FOXN3: variants seen among roughly 807,000 people sequenced by gnomAD.
FOXN3 encodes forkhead box N3.
In FOXN3, 7 loss-of-function variants were observed where a neutral mutation model predicts 38.4. The observed-to-expected ratio is 0.18, with a 90% CI of 0.10 to 0.34. The LOEUF (loss-of-function observed/expected upper bound fraction) is 0.34, where lower values mean the gene tolerates loss of function less well. Ranked by LOEUF, FOXN3 falls within the 10% of genes least tolerant of loss-of-function variation. FOXN3 has a pLI of 1.00. For synonymous variants in FOXN3, 230 were observed against 242.2 expected, an observed-to-expected ratio of 0.95 and a Z score of 0.47; for missense variants, 456 against 613.4, an observed-to-expected ratio of 0.74 and a Z score of 2.71.
intron 3 of FOXN3, chr14:89,291,240 C>A (rs946051752): frequency 1.4e-5 from 6 of 430,376 alleles, no homozygotes; most frequent in Non-Finnish European, 2.7e-5. Context: ...GTTACTCCCT[C>A]GGTTTCTCTC....
intron 1 of FOXN3, among the ~76,000 whole-genome samples, chr14:89,596,805 T>A (rs555152508): frequency 6.6e-6 from 1 of 152,198 alleles, no homozygotes; most frequent in African/African-American, 2.4e-5. Context: ...TATATTGCCA[T>A]AAAGTTTTTC....
intron 1 of FOXN3, among the ~76,000 whole-genome samples, chr14:89,595,249 C>T (rs1208260576): frequency 7.2e-5 from 11 of 151,782 alleles, no homozygotes; most frequent in Non-Finnish European, 1.6e-4. Flanking sequence ...GGTGTGAACC[C>T]GGGAGGCGGA....
At chr14:89,545,646 A>C (rs1040938111) in intron 1 of FOXN3, among the ~76,000 whole-genome samples, 5 of 152,220 alleles carry the variant, frequency 3.3e-5, no homozygotes, top group African/African-American at 1.2e-4. Context: ...AACTTGATGG[A>C]AACTGATAAA....
At chr14:89,305,870 A>G (rs1320157253) in intron 3 of FOXN3, among the ~76,000 whole-genome samples, 1 of 152,222 alleles carries the variant, frequency 6.6e-6, no homozygotes, top group Non-Finnish European at 1.5e-5. Flanking sequence ...CAACTTTCCT[A>G]ATTTCCCTCA....
chr14:89,376,958 T>C (rs539685768), intron 2 of FOXN3, among the ~76,000 whole-genome samples: 8 of 132,992 alleles, frequency 6.0e-5, no homozygotes, highest in East Asian at 4.4e-4. Context: ...GAGGCAGAGA[T>C]TGCAGTGAGC....
chr14:89,305,187 T>G (rs932284845), intron 3 of FOXN3, among the ~76,000 whole-genome samples: 3 of 152,164 alleles, frequency 2.0e-5, no homozygotes, highest in Non-Finnish European at 2.9e-5. Flanking sequence ...TGAGGGCCAC[T>G]AGGAGATGGG....
At chr14:89,364,572 C>T (rs1890079560) in intron 2 of FOXN3, 1 of 152,188 alleles carries the variant, frequency 6.6e-6, no homozygotes, top group African/African-American at 2.4e-5. Flanking sequence ...CTGATAATCC[C>T]AGCCACAGAA....
At chr14:89,461,707 A>C (rs138492941) in intron 1 of FOXN3, among the ~76,000 whole-genome samples, 98 of 152,324 alleles carry the variant, frequency 6.4e-4, no homozygotes, top group African/African-American at 2.3e-3. Flanking sequence ...AGGCAGAAGG[A>C]AAATGGCAGC....
At chr14:89,611,810 A>G (rs1487731634) in intron 1 of FOXN3, among the ~76,000 whole-genome samples, 5 of 75,472 alleles carry the variant, frequency 6.6e-5, no homozygotes, top group Admixed American at 4.1e-4. Context: ...CGTCTCAAAA[A>G]AAAAAAAAAA....
chr14:89,168,507 C>T (rs1345791748), intron 5 of FOXN3, among the ~76,000 whole-genome samples: 1 of 152,108 alleles, frequency 6.6e-6, no homozygotes, highest in Admixed American at 6.5e-5. Context: ...TCCTAAAAAA[C>T]TCAATGTAGC....
intron 3 of FOXN3, among the ~76,000 whole-genome samples, chr14:89,296,293 A>C (rs1887039652): frequency 6.6e-6 from 1 of 152,234 alleles, no homozygotes; most frequent in Admixed American, 6.5e-5. Context: ...CTAATTTTAC[A>C]TATGAAAACC....
At chr14:89,575,634 C>T (rs141374375) in intron 1 of FOXN3, among the ~76,000 whole-genome samples, 8 of 152,262 alleles carry the variant, frequency 5.3e-5, no homozygotes, top group Admixed American at 2.6e-4. Context: ...CTGCCACGCT[C>T]GGGCCCTTGG....
intron 4 of FOXN3, among the ~76,000 whole-genome samples, chr14:89,183,584 G>C (rs1238841507): frequency 1.3e-5 from 2 of 152,124 alleles, no homozygotes; most frequent in Admixed American, 1.3e-4. Flanking sequence ...AGGGGTATTT[G>C]GGAAGGCTTC....
At chr14:89,266,158 G>A (rs1247340980) in intron 4 of FOXN3, among the ~76,000 whole-genome samples, 3 of 152,134 alleles carry the variant, frequency 2.0e-5, no homozygotes, top group Admixed American at 1.3e-4. Flanking sequence ...ACTAAGACTG[G>A]GTGGTTTAAA....
chr14:89,472,531 T>C (rs550969120), intron 1 of FOXN3, among the ~76,000 whole-genome samples: 40 of 152,034 alleles, frequency 2.6e-4, no homozygotes, highest in Admixed American at 7.2e-4. Flanking sequence ...CCACCTTGGC[T>C]AACATGGTGA....
intron 1 of FOXN3, among the ~76,000 whole-genome samples, chr14:89,432,270 G>A (rs1040809937): frequency 6.6e-5 from 10 of 152,118 alleles, no homozygotes; most frequent in African/African-American, 2.4e-5. Context: ...TGGGAGACCT[G>A]GAATGTCCAG....
At chr14:89,439,682 G>A (rs1172785963) in intron 1 of FOXN3, among the ~76,000 whole-genome samples, 1 of 145,712 alleles carries the variant, frequency 6.9e-6, no homozygotes, top group Admixed American at 6.9e-5. Context: ...TTGAGACGGA[G>A]TCTTGCTCTG....
intron 4 of FOXN3, chr14:89,185,677 G>A (rs1392883652): frequency 6.6e-6 from 1 of 152,212 alleles, no homozygotes; most frequent in Non-Finnish European, 1.5e-5. Flanking sequence ...GGTTAGGCCA[G>A]TTACGTATTT....
chr14:89,523,233 C>T (rs60621023), intron 1 of FOXN3, among the ~76,000 whole-genome samples: 3,247 of 152,088 alleles, frequency 0.021, 114 homozygotes, highest in African/African-American at 0.069. Flanking sequence ...AATAGAACAT[C>T]GAGGAAAAAC....
Sources: gnomAD v4.1 joint callset for allele counts (sites outside exome capture counted in the v4.1 genomes callset) on GRCh38, gnomAD v4.1.1 for gene constraint, MANE v1.5 for transcripts, NCBI Gene and HGNC (gene_info 2026-07-23, HGNC 2026-07-21) for gene names.